LIMCH1: variants seen among roughly 807,000 people sequenced by gnomAD.
The protein encoded by LIMCH1 is LIM and calponin homology domains 1.
Under a neutral mutation model 176.5 loss-of-function variants are expected in LIMCH1, and 113 were observed. The ratio of observed to expected loss-of-function variants is 0.64; its 90% confidence interval spans 0.55 to 0.75. The LOEUF is 0.75. Among genes scored for constraint, LIMCH1 ranks in the 30% least tolerant of loss-of-function variants. The pLI, the probability that LIMCH1 is intolerant of heterozygous loss-of-function variation, is 0.00. For missense variants in LIMCH1, 1,674 were observed against 1,814.9 expected (o/e 0.92, Z 1.41); for synonymous variants, 619 against 645.9 (o/e 0.96, Z 0.63).
At chr4:41,361,565 C>A (rs1173121794) in intron 1 of LIMCH1, among the ~76,000 whole-genome samples, 1 of 152,212 alleles carries the variant, frequency 6.6e-6, no homozygotes, top group Non-Finnish European at 1.5e-5. Flanking sequence ...CCTTTGGCAA[C>A]CCCCGCCCCT....
intron 1 of LIMCH1, among the ~76,000 whole-genome samples, chr4:41,462,179 G>A (rs1240680833): frequency 3.9e-5 from 6 of 152,222 alleles, no homozygotes; most frequent in African/African-American, 7.2e-5. Flanking sequence ...GTGGGGATAC[G>A]ATGGATTTGG....
chr4:41,442,108 T>C (rs540699055), intron 1 of LIMCH1, among the ~76,000 whole-genome samples: 2 of 152,040 alleles, frequency 1.3e-5, no homozygotes, highest in East Asian at 3.9e-4. Context: ...AAGACCAGTC[T>C]GGGCAACATG....
Position 41,646,649 on chromosome 4 carries a change from C to G in LIMCH1, c.2576C>G (p.Pro859Arg). The change falls in exon 17 of 32, where the codon CCA (proline) becomes CGA (arginine). Residue 859 changes from proline (P) to arginine (R), a missense_variant. Around this residue, in one of 3 missense-constraint regions of LIMCH1, gnomAD observed 1,015 missense variants for 1,102.5 expected, o/e 0.92. Coordinates refer to ENST00000503057, the MANE Select transcript of LIMCH1 (RefSeq NM_001330672.2). Reference protein sequence around the residue: ...KILERSHSTEPNLSSFLNDPN... With the variant: ...KILERSHSTERNLSSFLNDPN... ...CTGGAAAGAAGCCATTCAACAGAGC[C>G]AAATTTATCCTCCTTCCTGAATGAC... 1 of 1,614,206 alleles carries G rather than the reference C, an allele frequency of 6.2e-7. No individual in the cohort carries two copies. Among genetic ancestry groups the G allele is most frequent in the South Asian group, 1.1e-5 (1 of 91,086 alleles).
At chr4:41,502,918 C>T (rs2073564096) in intron 2 of LIMCH1, among the ~76,000 whole-genome samples, 2 of 151,690 alleles carry the variant, frequency 1.3e-5, no homozygotes, top group South Asian at 2.1e-4. Context: ...CACACACACA[C>T]ACACACACAC....
chr4:41,383,659 C>G (rs2056050287), intron 1 of LIMCH1, among the ~76,000 whole-genome samples: 1 of 152,056 alleles, frequency 6.6e-6, no homozygotes, highest in Admixed American at 6.6e-5. Context: ...GAACTGGGCC[C>G]CACTCCAAGC....
intron 1 of LIMCH1, among the ~76,000 whole-genome samples, chr4:41,582,895 G>A (rs73233716): frequency 0.011 from 1,718 of 152,254 alleles, 9 homozygotes; most frequent in Non-Finnish European, 0.019. Context: ...TAGCTTTGTC[G>A]TGGGTGTATT....
At chr4:41,393,525 T>C (rs1430115082) in intron 1 of LIMCH1, among the ~76,000 whole-genome samples, 3 of 152,248 alleles carry the variant, frequency 2.0e-5, no homozygotes, top group African/African-American at 7.2e-5. Flanking sequence ...GGGCTAGTTA[T>C]ATAGATGTGT....
At chr4:41,684,355 A>T (rs201566589) in intron 26 of LIMCH1, 42 bp from the exon 27 acceptor site, 143 of 1,584,900 alleles carry the variant, frequency 9.0e-5, no homozygotes, top group Non-Finnish European at 2.6e-5. Context: ...CGATTCAGTT[A>T]CTTTTCTCTC....
intron 1 of LIMCH1, among the ~76,000 whole-genome samples, chr4:41,378,298 G>A (rs78258469): frequency 0.027 from 4,180 of 152,280 alleles, 91 homozygotes; most frequent in Middle Eastern, 0.061. Context: ...AGCCTGAATC[G>A]CAAACTTGGC....
At chr4:41,670,744 C>A (rs1221715869) in intron 21 of LIMCH1, 1 of 1,535,824 alleles carries the variant, frequency 6.5e-7, no homozygotes, top group African/African-American at 1.4e-5. Context: ...CAGTGTTCCG[C>A]TTAGAGTTCA....
intron 14 of LIMCH1, among the ~76,000 whole-genome samples, chr4:41,642,108 G>A (rs985927983): frequency 4.6e-5 from 7 of 152,042 alleles, no homozygotes; most frequent in Non-Finnish European, 8.8e-5. Context: ...ACCCATAGTG[G>A]CCTAAACCAA....
chr4:41,697,308 C>A lies in LIMCH1; in HGVS notation c.*123C>A. ...TTTACCTAATTTCTGAAAGGCTCTT[C>A]TGAAAGGTGGTATCTGTTCTTTCGT... On this transcript the variant is annotated 3_prime_UTR_variant, in exon 32 of 32. Coordinates refer to ENST00000503057, the MANE Select transcript of LIMCH1 (RefSeq NM_001330672.2). 1 of 813,646 alleles carries A rather than the reference C, an allele frequency of 1.2e-6. No homozygotes were observed. The highest frequency in any genetic ancestry group is 1.6e-5 in the South Asian group (1 of 63,380). 50.4% of individuals were successfully genotyped at this position (813,646 alleles called of 1,614,324 possible).
chr4:41,507,050 G>A (rs1440092979), intron 2 of LIMCH1, among the ~76,000 whole-genome samples: 1 of 152,138 alleles, frequency 6.6e-6, no homozygotes, highest in Non-Finnish European at 1.5e-5. Flanking sequence ...TATCAGAATG[G>A]CTCACAGAAC....
chr4:41,496,207 G>A (rs2072100073), intron 2 of LIMCH1, among the ~76,000 whole-genome samples: 1 of 152,188 alleles, frequency 6.6e-6, no homozygotes, highest in South Asian at 2.1e-4. Context: ...CCTAACATTT[G>A]CTCCAGAGAT....
chr4:41,599,699 C>T (rs2089578371), intron 2 of LIMCH1, among the ~76,000 whole-genome samples: 1 of 152,190 alleles, frequency 6.6e-6, no homozygotes. Context: ...TCATATAAAA[C>T]ATTTTCCACT....
intron 1 of LIMCH1, among the ~76,000 whole-genome samples, chr4:41,370,627 C>T (rs2053815354): frequency 6.6e-6 from 1 of 152,074 alleles, no homozygotes; most frequent in South Asian, 2.1e-4. Flanking sequence ...TAGGAGGGGC[C>T]AGTGACAAGT....
chr4:41,441,074 A>G (rs1475035997), intron 1 of LIMCH1, among the ~76,000 whole-genome samples: 1 of 152,140 alleles, frequency 6.6e-6, no homozygotes, highest in African/African-American at 2.4e-5. Flanking sequence ...GTAGGTATGA[A>G]TGACATGAAC....
At chr4:41,369,690 T>G (rs569715530) in intron 1 of LIMCH1, among the ~76,000 whole-genome samples, 2 of 152,200 alleles carry the variant, frequency 1.3e-5, no homozygotes, top group Admixed American at 1.3e-4. Flanking sequence ...TTTGTGTGTG[T>G]GTGTGGTGGG....
intron 13 of LIMCH1, 26 bp from the exon 14 acceptor site, chr4:41,638,906 C>T (rs1238971732): frequency 1.2e-6 from 2 of 1,603,386 alleles, no homozygotes; most frequent in East Asian, 2.2e-5. Flanking sequence ...TCTGCCAGTC[C>T]TCTAATTTTT....
Sources: allele counts gnomAD v4.1 joint callset (sites outside exome capture counted in the v4.1 genomes callset), GRCh38; gene constraint gnomAD v4.1.1; regional missense constraint gnomAD v4.1.1; transcripts MANE v1.5; gene names NCBI Gene and HGNC (gene_info 2026-07-23, HGNC 2026-07-21).